PI4KA: variants seen among roughly 807,000 people sequenced by gnomAD.
The protein encoded by PI4KA is phosphatidylinositol 4-kinase alpha.
In PI4KA, 122 loss-of-function variants were observed where a neutral mutation model predicts 271.4. The ratio of observed to expected loss-of-function variants is 0.45; its 90% CI spans 0.39 to 0.52. The LOEUF is 0.52. Among genes scored for constraint, PI4KA ranks in the 20% least tolerant of loss-of-function variants. The pLI is 0.00. For synonymous variants in PI4KA, 1,041 were observed against 1,078.8 expected (o/e 0.96, Z 0.69); for missense variants, 1,969 against 2,769.1 (o/e 0.71, Z 6.48).
chr22:20,848,237 C>CAAAAAA (rs60503165), intron 1 of PI4KA, among the ~76,000 whole-genome samples: 1 of 51,210 alleles, frequency 2.0e-5, no homozygotes, highest in Non-Finnish European at 3.9e-5. Flanking sequence ...GACTCCATCT[C>CAAAAAA]AAAAAAAAAA....
chr22:20,714,311 T>G, intron 47 of PI4KA, 147 bp downstream of exon 47: 3 of 1,478,532 alleles, frequency 2.0e-6, no homozygotes, highest in Non-Finnish European at 2.7e-6. Flanking sequence ...CATCCCCCAA[T>G]GAGGGATCTG....
At chr22:20,807,790 A>G (rs1239869059) in intron 9 of PI4KA, among the ~76,000 whole-genome samples, 2 of 152,192 alleles carry the variant, frequency 1.3e-5, no homozygotes, top group African/African-American at 4.8e-5. Context: ...TGAAGGAGGA[A>G]GACTGACAAA....
At chr22:20,737,486 A>G (rs2002524) in intron 32 of PI4KA, among the ~76,000 whole-genome samples, 74,448 of 151,826 alleles carry the variant, frequency 0.49, 18,723 homozygotes, top group East Asian at 0.59. Flanking sequence ...GGAGGCCAGA[A>G]GTTCAAGGGC....
At chr22:20,798,840 C>T (rs574476588) in intron 16 of PI4KA, 153 bp from the exon 17 acceptor site, 2 of 645,966 alleles carry the variant, frequency 3.1e-6, no homozygotes, top group African/African-American at 1.8e-5. Flanking sequence ...TTAATCAAAC[C>T]TCAAATTAAA....
intron 23 of PI4KA, among the ~76,000 whole-genome samples, chr22:20,758,632 T>G (rs1893056771): frequency 1.3e-5 from 2 of 152,004 alleles, no homozygotes; most frequent in South Asian, 4.1e-4. Context: ...AAATGCAAGG[T>G]GGACGGATGA....
intron 4 of PI4KA, among the ~76,000 whole-genome samples, chr22:20,823,882 G>A (rs1475635590): frequency 6.6e-6 from 1 of 152,166 alleles, no homozygotes; most frequent in Non-Finnish European, 1.5e-5. Flanking sequence ...AGAGGTTGCA[G>A]TGAGCCAAGA....
chr22:20,856,115 C>T (rs1394350922), intron 1 of PI4KA, among the ~76,000 whole-genome samples: 2 of 152,280 alleles, frequency 1.3e-5, no homozygotes, highest in African/African-American at 4.8e-5. Flanking sequence ...AACCCCGTCT[C>T]CACTAAATAC....
At chr22:20,754,618 C>T (rs575615759) in intron 23 of PI4KA, among the ~76,000 whole-genome samples, 17 of 152,288 alleles carry the variant, frequency 1.1e-4, no homozygotes, top group African/African-American at 4.1e-4. Flanking sequence ...CTGTGGTTGT[C>T]ATAGGAATTT....
intron 1 of PI4KA, among the ~76,000 whole-genome samples, chr22:20,842,535 G>A (rs1302412239): frequency 2.6e-5 from 4 of 152,272 alleles, no homozygotes; most frequent in African/African-American, 9.6e-5. Flanking sequence ...GCAATAGGCC[G>A]GGCACCGTGG....
intron 11 of PI4KA, among the ~76,000 whole-genome samples, 196 bp downstream of exon 11, chr22:20,804,778 T>C (rs1360781068): frequency 6.6e-6 from 1 of 152,234 alleles, no homozygotes; most frequent in South Asian, 2.1e-4. Flanking sequence ...GTGCCCTCCA[T>C]GCAGGACAGG....
Position 20,751,797 on chromosome 22 carries a change from C to T in PI4KA, c.2988-42G>A, listed in dbSNP as rs377406879. The T allele has an allele frequency of 7.3e-4, 1,151 of 1,566,108 alleles. 1 individual carries two copies. Among genetic ancestry groups the T allele is most frequent in the Non-Finnish European group, 8.9e-4 (1,018 of 1,137,848 alleles). ...CTCTCAGGACCAAGAGCCAAACCTCCAAGGAAGGTCTGCTTCTAGGAGCCC... is the reference window on the plus strand; with the variant it reads ...CTCTCAGGACCAAGAGCCAAACCTCTAAGGAAGGTCTGCTTCTAGGAGCCC... On this transcript the variant is annotated intron_variant, in intron 25 of 54. Transcript: ENST00000255882.
At position 20,763,016 on chromosome 22, in the gene PI4KA, T is replaced by TGGGGGG. The variant is rs764908841; in HGVS notation, c.2709-1631_2709-1630insCCCCCC. Among the ~76,000 whole-genome samples, 16 of 14,156 alleles carry TGGGGGG rather than the reference T, an allele frequency of 1.1e-3. 1 individual carries two copies. The highest frequency in any genetic ancestry group is 1.9e-3 in the East Asian group (1 of 530). 9.3% of individuals were successfully genotyped at this position (14,156 alleles called of 152,430 possible). ...TGGCTAGGTTTTTTTGCTTTTTTTT[T>TGGGGGG]TGGGGGGGGGGGGGGTTAGAGACAA... On this transcript the variant is annotated intron_variant, in intron 22 of 54. Transcript: ENST00000255882.
At chr22:20,812,450 C>T (rs1181554953) in intron 8 of PI4KA, among the ~76,000 whole-genome samples, 1 of 152,138 alleles carries the variant, frequency 6.6e-6, no homozygotes, top group African/African-American at 2.4e-5. Flanking sequence ...GACAGCAAGC[C>T]CAATCTTGAG....
At chr22:20,827,908 C>A (rs1220547309) in intron 3 of PI4KA, among the ~76,000 whole-genome samples, 9 of 152,276 alleles carry the variant, frequency 5.9e-5, no homozygotes, top group Non-Finnish European at 1.5e-5. Context: ...GATTCTCCTG[C>A]CTCAGCCTCC....
intron 23 of PI4KA, among the ~76,000 whole-genome samples, chr22:20,758,459 C>CTTTTTTTTTTTTTTTTTTTTTTTTTTTTT (rs35401829): frequency 3.5e-5 from 3 of 85,032 alleles, no homozygotes; most frequent in Non-Finnish European, 4.4e-5. Context: ...TCTTTCTTTT[C>CTTTTTTTTTTTTTTTTTTTTTTTTTTTTT]TTTTTTTTTT....
chr22:20,708,345 A>G (rs887637390), intron 54 of PI4KA, among the ~76,000 whole-genome samples: 1 of 151,882 alleles, frequency 6.6e-6, no homozygotes, highest in Non-Finnish European at 1.5e-5. Flanking sequence ...GCTCTGCCCC[A>G]TGGGACTCGG....
intron 36 of PI4KA, 99 bp downstream of exon 36, chr22:20,732,872 C>T: frequency 1.4e-6 from 2 of 1,431,116 alleles, no homozygotes; most frequent in Admixed American, 3.5e-5. Context: ...GGGGGTCTAA[C>T]TGCTTTTCCG....
At chr22:20,818,281 T>C (rs1413698410) in intron 7 of PI4KA, among the ~76,000 whole-genome samples, 1 of 152,182 alleles carries the variant, frequency 6.6e-6, no homozygotes, top group Non-Finnish European at 1.5e-5. Flanking sequence ...AAATGTACTT[T>C]TCTCTATATA....
At chr22:20,732,442 T>C (rs1030241013) in intron 36 of PI4KA, among the ~76,000 whole-genome samples, 2 of 152,212 alleles carry the variant, frequency 1.3e-5, no homozygotes, top group Non-Finnish European at 2.9e-5. Flanking sequence ...CTGGAATGCT[T>C]TGCCCTGTCC....
Sources: gnomAD v4.1 joint callset for allele counts (sites outside exome capture counted in the v4.1 genomes callset) on GRCh38, gnomAD v4.1.1 for gene constraint, MANE v1.5 for transcripts, NCBI Gene and HGNC (gene_info 2026-07-23, HGNC 2026-07-21) for gene names.